Variants in SCFD2 observed in about 807,000 individuals in gnomAD.
The protein encoded by SCFD2 is sec1 family domain-containing protein 2.
Under a neutral mutation model 58.9 loss-of-function variants are expected in SCFD2, and 54 were observed. The observed-to-expected ratio is 0.92, with a 90% CI of 0.74 to 1.15. The LOEUF (loss-of-function observed/expected upper bound fraction) is 1.15. SCFD2 is among the 50% of genes most tolerant of loss of function. The pLI is 0.00. For synonymous variants in SCFD2, 321 were observed against 335.9 expected, an observed-to-expected ratio of 0.96 and a Z score of 0.49; for missense variants, 805 against 836.6, an observed-to-expected ratio of 0.96 and a Z score of 0.47.
chr4:53,125,959 C>CAT, intron 5 of SCFD2, among the ~76,000 whole-genome samples: 1 of 152,306 alleles, frequency 6.6e-6, no homozygotes, highest in South Asian at 2.1e-4. Context: ...TGTCAAGGAA[C>CAT]ATTTGCAAAG....
chr4:53,219,394 T>A (rs1238821196), intron 4 of SCFD2, among the ~76,000 whole-genome samples: 2 of 152,198 alleles, frequency 1.3e-5, no homozygotes, highest in African/African-American at 4.8e-5. Flanking sequence ...ACTGCTGTGC[T>A]AGCAATAAGC....
At chr4:53,248,400 T>G (rs956887228) in intron 4 of SCFD2, among the ~76,000 whole-genome samples, 5 of 152,148 alleles carry the variant, frequency 3.3e-5, no homozygotes, top group African/African-American at 1.2e-4. Context: ...GCCAGGAAAT[T>G]CGAACTGGGT....
At chr4:53,127,987 T>C (rs1725679428) in intron 5 of SCFD2, among the ~76,000 whole-genome samples, 1 of 148,650 alleles carries the variant, frequency 6.7e-6, no homozygotes, top group African/African-American at 2.5e-5. Flanking sequence ...TTTGCTATTC[T>C]GTTATTTTAA....
intron 5 of SCFD2, among the ~76,000 whole-genome samples, chr4:52,995,257 C>A (rs552596950): frequency 6.6e-6 from 1 of 152,124 alleles, no homozygotes; most frequent in Non-Finnish European, 1.5e-5. Context: ...ACAAGGAGCG[C>A]GGAACCTAGA....
At chr4:53,179,351 T>C (rs1727461835) in intron 4 of SCFD2, among the ~76,000 whole-genome samples, 1 of 152,156 alleles carries the variant, frequency 6.6e-6, no homozygotes, top group African/African-American at 2.4e-5. Flanking sequence ...ATATTCAACA[T>C]TCTTAAAAAA....
intron 4 of SCFD2, among the ~76,000 whole-genome samples, chr4:53,236,979 C>T (rs183803134): frequency 1.3e-5 from 2 of 150,752 alleles, no homozygotes; most frequent in Non-Finnish European, 3.0e-5. Flanking sequence ...AGGCAGAGGA[C>T]CCTGCGGCCT....
intron 4 of SCFD2, among the ~76,000 whole-genome samples, chr4:53,199,958 G>A (rs1443344512): frequency 6.7e-6 from 1 of 149,310 alleles, no homozygotes; most frequent in Admixed American, 6.8e-5. Flanking sequence ...GAGAGTGAGA[G>A]TGAGAGCAAG....
intron 5 of SCFD2, among the ~76,000 whole-genome samples, chr4:52,953,556 A>C (rs958003139): frequency 6.6e-6 from 1 of 152,196 alleles, no homozygotes; most frequent in Admixed American, 6.5e-5. Flanking sequence ...GAGTCAAAGC[A>C]TTTCTTTAGC....
intron 5 of SCFD2, among the ~76,000 whole-genome samples, chr4:52,999,143 A>G (rs1344978273): frequency 1.3e-5 from 2 of 152,158 alleles, no homozygotes; most frequent in Non-Finnish European, 2.9e-5. Context: ...TGGCGAGTAA[A>G]ATCCCTGGGC....
intron 5 of SCFD2, among the ~76,000 whole-genome samples, chr4:53,106,472 T>C (rs535547254): frequency 3.9e-5 from 6 of 151,924 alleles, no homozygotes; most frequent in Non-Finnish European, 8.8e-5. Flanking sequence ...CCAAGAACCT[T>C]GAAAAAAGGT....
intron 5 of SCFD2, among the ~76,000 whole-genome samples, chr4:52,986,146 C>T (rs1263272199): frequency 6.6e-6 from 1 of 152,116 alleles, no homozygotes; most frequent in East Asian, 1.9e-4. Context: ...AGAGCTGAGC[C>T]TCTTTGCCCC....
intron 5 of SCFD2, among the ~76,000 whole-genome samples, chr4:53,047,762 C>T (rs1350779201): frequency 6.6e-6 from 1 of 152,206 alleles, no homozygotes; most frequent in Non-Finnish European, 1.5e-5. Flanking sequence ...CCCCAAACTC[C>T]AAGGTGTGCT....
rs73147395 is a variant in SCFD2 at position 53,257,661 on chromosome 4, C to T, written c.1311+16165G>A. Among the ~76,000 whole-genome samples, 1,332 of 152,144 alleles carry T rather than the reference C, an allele frequency of 8.8e-3. 19 individuals carry two copies. The highest frequency in any genetic ancestry group is 0.03 in the African/African-American group (1,256 of 41,508). ...TACAATATTGCAAAAAATAATGCTC[C>T]ACAATTTTTCTTCCCAGGAAAAACC... is the stretch of plus-strand genomic sequence containing the variant. On this transcript the variant is annotated intron_variant, in intron 4 of 8. Transcript: ENST00000401642.
At chr4:53,235,392 C>T (rs1729566628) in intron 4 of SCFD2, among the ~76,000 whole-genome samples, 1 of 152,160 alleles carries the variant, frequency 6.6e-6, no homozygotes, top group African/African-American at 2.4e-5. Context: ...ATGTTTATAA[C>T]AAACTACTCC....
At chr4:53,255,197 T>TTTTTTTTA (rs1553892847) in intron 4 of SCFD2, among the ~76,000 whole-genome samples, 4 of 140,620 alleles carry the variant, frequency 2.8e-5, no homozygotes, top group African/African-American at 1.0e-4. Flanking sequence ...TTTTTTTCTT[T>TTTTTTTTA]TTTATTTATT....
At chr4:53,339,365 AT>A in intron 2 of SCFD2, among the ~76,000 whole-genome samples, 1 of 150,448 alleles carries the variant, frequency 6.6e-6, no homozygotes, top group Admixed American at 6.7e-5. Flanking sequence ...TATATTACAT[AT>A]TATATATATG....
At chr4:52,924,288 A>G (rs1184912132) in intron 5 of SCFD2, among the ~76,000 whole-genome samples, 1 of 152,172 alleles carries the variant, frequency 6.6e-6, no homozygotes, top group Non-Finnish European at 1.5e-5. Flanking sequence ...TGGATTATAC[A>G]TTGACATTAA....
chr4:53,312,284 C>T (rs1282790159), intron 3 of SCFD2, among the ~76,000 whole-genome samples: 2 of 152,172 alleles, frequency 1.3e-5, no homozygotes, highest in Non-Finnish European at 2.9e-5. Flanking sequence ...ATTGGCTGTA[C>T]AAATTAGGAT....
In SCFD2 at chr4:53,247,528, A is replaced by G. The variant is rs529617262; in HGVS notation, c.1311+26298T>C. On this transcript the variant is annotated intron_variant, in intron 4 of 8. Coordinates refer to ENST00000401642, the MANE Select transcript of SCFD2 (RefSeq NM_152540.4). ...TGAAAGACTGGATAAAGAAAATGTG[A>G]TACATATACACCATGGAATACTATG... Among the ~76,000 whole-genome samples the G allele has an allele frequency of 7.9e-5, 12 of 152,294 alleles. No homozygotes were observed. The East Asian group carries it at 9.6e-4, about 12-fold the overall frequency.
Sources: allele counts gnomAD v4.1 joint callset (sites outside exome capture counted in the v4.1 genomes callset), GRCh38; gene constraint gnomAD v4.1.1; transcripts MANE v1.5; gene names NCBI Gene and HGNC (gene_info 2026-07-23, HGNC 2026-07-21).